The following PTPRN2 variants were observed in gnomAD, a reference collection of about 807,000 sequenced individuals.
PTPRN2 encodes the protein protein tyrosine phosphatase receptor type N2, also known as receptor-type tyrosine-protein phosphatase N2.
A neutral mutation model predicts 118.8 loss-of-function variants in PTPRN2; 74 were observed. The ratio of observed to expected loss-of-function variants is 0.62; its 90% confidence interval spans 0.52 to 0.76. PTPRN2 has a LOEUF of 0.76. Ranked by LOEUF, PTPRN2 falls within the 30% of genes least tolerant of loss-of-function variation. PTPRN2 has a pLI of 0.00. For synonymous variants in PTPRN2, 641 were observed against 608.0 expected (o/e 1.05, Z -0.80); for missense variants, 1,481 against 1,394.4 (o/e 1.06, Z -0.99).
chr7:158,138,241 C>A, intron 7 of PTPRN2, 53 bp downstream of exon 7: 4 of 1,542,600 alleles, frequency 2.6e-6, no homozygotes, highest in South Asian at 1.2e-5. Flanking sequence ...AGCCCTGAGG[C>A]CTCCCCTCCC....
chr7:158,007,452 A>C (rs1161978557), intron 11 of PTPRN2, among the ~76,000 whole-genome samples: 1 of 152,160 alleles, frequency 6.6e-6, no homozygotes, highest in Non-Finnish European at 1.5e-5. Context: ...GGGGAGAGTG[A>C]TCACAGGGTG....
chr7:158,080,463 C>T (rs1812730528), intron 11 of PTPRN2, among the ~76,000 whole-genome samples: 1 of 151,518 alleles, frequency 6.6e-6, no homozygotes, highest in Admixed American at 6.6e-5. Context: ...ACCCTGCCTG[C>T]GGAATGGCCC....
At chr7:158,025,461 G>A (rs1440331283) in intron 11 of PTPRN2, among the ~76,000 whole-genome samples, 1 of 152,188 alleles carries the variant, frequency 6.6e-6, no homozygotes. Flanking sequence ...TCAGATTTTA[G>A]AGGCTGAATT....
intron 11 of PTPRN2, among the ~76,000 whole-genome samples, chr7:158,063,537 T>C (rs553853927): frequency 1.3e-5 from 2 of 152,316 alleles, no homozygotes; most frequent in East Asian, 3.9e-4. Context: ...CCCTTTCACA[T>C]TGTGGAAGCT....
At chr7:158,390,800 A>C (rs1563234101) in intron 2 of PTPRN2, among the ~76,000 whole-genome samples, 1 of 152,158 alleles carries the variant, frequency 6.6e-6, no homozygotes. Flanking sequence ...TCCACTCTAC[A>C]AATGTCCTCT....
intron 1 of PTPRN2, among the ~76,000 whole-genome samples, chr7:158,518,713 G>A (rs905350170): frequency 1.4e-4 from 22 of 152,148 alleles, no homozygotes; most frequent in African/African-American, 3.4e-4. Context: ...GGCCAGGCGC[G>A]GTGGTTCATG....
chr7:158,340,712 T>C (rs1806568860), intron 2 of PTPRN2, among the ~76,000 whole-genome samples: 1 of 67,446 alleles, frequency 1.5e-5, no homozygotes, highest in African/African-American at 5.7e-5. Context: ...CAGACGTCAC[T>C]CACACCCACA....
intron 1 of PTPRN2, among the ~76,000 whole-genome samples, chr7:158,530,502 G>A (rs558402770): frequency 3.3e-5 from 5 of 152,184 alleles, no homozygotes; most frequent in Admixed American, 6.5e-5. Context: ...ACTGGGACAG[G>A]GAGCTCTGGT....
chr7:158,259,238 C>T (rs746046547), intron 3 of PTPRN2, among the ~76,000 whole-genome samples: 10 of 152,330 alleles, frequency 6.6e-5, no homozygotes, highest in Middle Eastern at 3.4e-3. Flanking sequence ...TGATAACCAA[C>T]ACAATGCTAA....
chr7:158,159,484 T>C (rs1822166781), intron 6 of PTPRN2, among the ~76,000 whole-genome samples: 1 of 152,194 alleles, frequency 6.6e-6, no homozygotes, highest in Non-Finnish European at 1.5e-5. Context: ...GAACCAAAAG[T>C]CAGTCGTCAT....
In PTPRN2 at chr7:157,617,355, G is replaced by A. The variant is rs970820553; in HGVS notation, c.2344+4007C>T. 2 of 147,408 alleles carry A rather than the reference G, an allele frequency of 1.4e-5. No homozygotes were observed. Among genetic ancestry groups the A allele is most frequent in the Non-Finnish European group, 3.0e-5 (2 of 67,186 alleles). 9.1% of individuals were successfully genotyped at this position (147,408 alleles called of 1,614,324 possible). On this transcript the variant is annotated intron_variant, in intron 15 of 22. Transcript: ENST00000389418. This position sits in a 1 kb window ranked among gnomAD's most constrained non-coding sequence, Gnocchi z 7.5. ...GCCCCAGTGATGCCGTGGTTAGGAC[G>A]CCGTTCACGCAGCTGCAGCGCAGAG...
At chr7:157,888,284 C>T (rs1260255914) in intron 12 of PTPRN2, among the ~76,000 whole-genome samples, 1 of 152,142 alleles carries the variant, frequency 6.6e-6, no homozygotes, top group Admixed American at 6.5e-5. Context: ...GTTACCTTCG[C>T]AAGCTCAGCT....
rs559785887 is a variant in PTPRN2 at position 157,569,310 on chromosome 7, C to T, written c.2838-344G>A. On this transcript the variant is annotated intron_variant, in intron 20 of 22. Coordinates refer to ENST00000389418, the MANE Select transcript of PTPRN2 (RefSeq NM_002847.5). ...CGTTTGACTGTGTCAGAGTTGATGG[C>T]ATTTGTATTGAAAATATCTGCAAGG... Among the ~76,000 whole-genome samples, 3 of 152,360 alleles carry T rather than the reference C, an allele frequency of 2.0e-5. No individual in the cohort carries two copies. The South Asian group carries it at 6.2e-4, about 32-fold the overall frequency.
chr7:157,811,617 C>T (rs1330484365), intron 12 of PTPRN2, among the ~76,000 whole-genome samples: 1 of 152,086 alleles, frequency 6.6e-6, no homozygotes. Flanking sequence ...CCATGAAATA[C>T]TTGCTCAATA....
intron 5 of PTPRN2, among the ~76,000 whole-genome samples, chr7:158,170,626 G>A (rs1481284259): frequency 6.6e-6 from 1 of 152,202 alleles, no homozygotes; most frequent in Non-Finnish European, 1.5e-5. Context: ...AGCCACTCCG[G>A]CTACTCAATA....
In PTPRN2 at chr7:158,569,360, C is replaced by T. The variant is rs139328608; in HGVS notation, c.112+18198G>A. On this transcript the variant is annotated intron_variant, in intron 1 of 22. Coordinates refer to ENST00000389418, the MANE Select transcript of PTPRN2 (RefSeq NM_002847.5). ...TTCCCAGAACTCAATCACCACTGAG[C>T]GACCTCGAAAAAGATCACGTGGGCC... Among the ~76,000 whole-genome samples the T allele has an allele frequency of 2.1e-3, 323 of 152,320 alleles. 10 individuals carry two copies. In the East Asian group the frequency reaches 0.046, roughly 21 times the overall value.
chr7:158,120,510 C>G (rs1817073794), intron 9 of PTPRN2, among the ~76,000 whole-genome samples: 1 of 152,194 alleles, frequency 6.6e-6, no homozygotes, highest in African/African-American at 2.4e-5. Context: ...AAAGCTGAGC[C>G]AAGTTCCTGC....
At chr7:157,782,505 G>T (rs995092781) in intron 12 of PTPRN2, among the ~76,000 whole-genome samples, 1 of 152,206 alleles carries the variant, frequency 6.6e-6, no homozygotes, top group Non-Finnish European at 1.5e-5. Flanking sequence ...ATGGGAAGCT[G>T]ATCAGGGTCA....
At chr7:157,642,833 A>AAAAAAAAAAAAAAAAAAC (rs1563293011) in intron 14 of PTPRN2, among the ~76,000 whole-genome samples, 1 of 146,548 alleles carries the variant, frequency 6.8e-6, no homozygotes, top group African/African-American at 2.5e-5. Flanking sequence ...AAAAAAAAAA[A>AAAAAAAAAAAAAAAAAAC]AAAAAAAAAA....
Sources: allele counts gnomAD v4.1 joint callset (sites outside exome capture counted in the v4.1 genomes callset), GRCh38; gene constraint gnomAD v4.1.1; non-coding constraint Gnocchi (gnomAD v3.1); transcripts MANE v1.5; gene names NCBI Gene and HGNC (gene_info 2026-07-23, HGNC 2026-07-21).